GRIK2: variants seen among roughly 807,000 people sequenced by gnomAD.
GRIK2 encodes the protein glutamate receptor ionotropic, kainate 2.
In GRIK2, 32 loss-of-function variants were observed where a neutral mutation model predicts 100.3. The ratio of observed to expected loss-of-function variants is 0.32; its 90% confidence interval spans 0.24 to 0.43. The LOEUF (loss-of-function observed/expected upper bound fraction) is 0.43, where lower values mean the gene tolerates loss of function less well. Among genes scored for constraint, GRIK2 ranks in the 20% least tolerant of loss-of-function variants. GRIK2 has a pLI of 1.00. For missense variants in GRIK2, 843 were observed against 1,114.9 expected (o/e 0.76, Z 3.47); for synonymous variants, 417 against 389.4 (o/e 1.07, Z -0.83).
At chr6:101,684,619 A>G (rs1333675277) in intron 6 of GRIK2, among the ~76,000 whole-genome samples, 1 of 152,152 alleles carries the variant, frequency 6.6e-6, no homozygotes, top group African/African-American at 2.4e-5. Context: ...ATAACAAAAG[A>G]GAGGTTGACA....
chr6:101,600,465 G>T (rs1779157101), intron 2 of GRIK2, among the ~76,000 whole-genome samples: 1 of 151,850 alleles, frequency 6.6e-6, no homozygotes, highest in African/African-American at 2.4e-5. Flanking sequence ...GAAAGGAATA[G>T]CACTGAATCT....
At chr6:101,930,089 C>T (rs1467753722) in intron 14 of GRIK2, among the ~76,000 whole-genome samples, 1 of 152,088 alleles carries the variant, frequency 6.6e-6, no homozygotes, top group Non-Finnish European at 1.5e-5. Context: ...TGCCTGTAAT[C>T]TCAGCACTCT....
intron 15 of GRIK2, among the ~76,000 whole-genome samples, chr6:102,053,539 G>A (rs7454107): frequency 6.6e-6 from 1 of 152,272 alleles, no homozygotes; most frequent in South Asian, 2.1e-4. Context: ...AAAAATGATT[G>A]AGAATTCAGA....
intron 2 of GRIK2, among the ~76,000 whole-genome samples, chr6:101,605,872 T>G (rs1313081388): frequency 6.6e-6 from 1 of 152,040 alleles, no homozygotes; most frequent in African/African-American, 2.4e-5. Context: ...ATTAACATAA[T>G]AATATCACAG....
chr6:101,862,012 G>A (rs185625583), intron 11 of GRIK2, among the ~76,000 whole-genome samples: 2 of 152,192 alleles, frequency 1.3e-5, no homozygotes, highest in Admixed American at 1.3e-4. Flanking sequence ...TTTTATGGAG[G>A]GGCAATAAAT....
At chr6:101,800,145 T>A (rs1041626543) in intron 8 of GRIK2, among the ~76,000 whole-genome samples, 3 of 152,070 alleles carry the variant, frequency 2.0e-5, no homozygotes, top group Non-Finnish European at 4.4e-5. Flanking sequence ...AAATTATACC[T>A]AATTTGTGAG....
intron 2 of GRIK2, among the ~76,000 whole-genome samples, chr6:101,462,880 G>C (rs1386834130): frequency 1.3e-5 from 2 of 152,272 alleles, no homozygotes; most frequent in East Asian, 3.9e-4. Flanking sequence ...GATGACTGCT[G>C]AGTAGGTCTG....
rs145105212 is a variant in GRIK2 at position 101,616,416 on chromosome 6, T to G, written c.116-5533T>G. On this transcript the variant is annotated intron_variant, in intron 2 of 16. Coordinates refer to ENST00000369134, the MANE Select transcript of GRIK2 (RefSeq NM_021956.5). ...ATCATCTAAAATGAACCAAGGTTAA[T>G]ATATTGTTATGCATAAGGGCATATT... Among the ~76,000 whole-genome samples the G allele has an allele frequency of 4.5e-3, 679 of 151,942 alleles. 4 individuals carry two copies. The highest frequency in any genetic ancestry group is 0.016 in the African/African-American group (650 of 41,524).
chr6:101,594,832 G>A lies in GRIK2; in HGVS notation c.116-27117G>A, dbSNP rs555825096. On this transcript the variant is annotated intron_variant, in intron 2 of 16. Coordinates refer to ENST00000369134, the MANE Select transcript of GRIK2 (RefSeq NM_021956.5). ...AAGCATGGATGAAGGCAGATAGGGCGGTGAATTACAGGGAATCAGAATTGG... is the reference window on the plus strand; with the variant it reads ...AAGCATGGATGAAGGCAGATAGGGCAGTGAATTACAGGGAATCAGAATTGG... Among the ~76,000 whole-genome samples the A allele has an allele frequency of 3.3e-5, 5 of 151,620 alleles. No individual in the cohort carries two copies. In the East Asian group the frequency reaches 5.8e-4, roughly 18 times the overall value.
Position 101,889,640 on chromosome 6 carries a change from A to G in GRIK2, c.1525A>G (p.Lys509Glu). 6.7e-7 allele frequency: 1 copy of G among 1,488,702 alleles called. No homozygotes were observed. The highest frequency in any genetic ancestry group is 9.2e-7 in the Non-Finnish European group (1 of 1,087,746). The allele number at this position is 1,488,702 out of a possible 1,614,324, so 92.2% of individuals were successfully genotyped here. Residue 509 changes from lysine (K) to glutamate (E), a missense_variant and splice_region_variant, in exon 12 of 17, where the codon AAA becomes GAA. Transcript: ENST00000369134. ...TTTTTTTGTTTGTTTCTGTCTACAG[A>G]AAGCTGACCTTGCAGTTGCTCCACT... ...NGMVRELIDH[K>E]ADLAVAPLAI...
chr6:101,479,886 T>G (rs1772439273), intron 2 of GRIK2, among the ~76,000 whole-genome samples: 1 of 152,228 alleles, frequency 6.6e-6, no homozygotes, highest in Non-Finnish European at 1.5e-5. Flanking sequence ...TTTTAAGGTT[T>G]TTTATTTGAA....
intron 11 of GRIK2, among the ~76,000 whole-genome samples, chr6:101,877,909 A>G (rs1040969580): frequency 4.6e-5 from 7 of 151,474 alleles, no homozygotes; most frequent in African/African-American, 1.7e-4. Context: ...CCAAGTTTTC[A>G]AATCTCCCTC....
At chr6:102,047,793 C>T (rs1269225933) in intron 15 of GRIK2, among the ~76,000 whole-genome samples, 1 of 151,722 alleles carries the variant, frequency 6.6e-6, no homozygotes, top group Non-Finnish European at 1.5e-5. Context: ...CCAAAGCTAT[C>T]TACAGTTTTA....
intron 2 of GRIK2, among the ~76,000 whole-genome samples, chr6:101,515,720 A>G (rs1582622602): frequency 6.6e-6 from 1 of 152,204 alleles, no homozygotes; most frequent in South Asian, 2.1e-4. Flanking sequence ...TCTTCTTTTG[A>G]GAATTGTCTA....
intron 2 of GRIK2, among the ~76,000 whole-genome samples, chr6:101,619,995 CT>C (rs1201344390): frequency 6.6e-6 from 1 of 152,078 alleles, no homozygotes; most frequent in East Asian, 1.9e-4. Context: ...TTGTTGAGTG[CT>C]TACTCTGTGA....
chr6:101,687,227 T>C (rs1269560232), intron 7 of GRIK2, among the ~76,000 whole-genome samples: 1 of 152,024 alleles, frequency 6.6e-6, no homozygotes, highest in Admixed American at 6.6e-5. Flanking sequence ...ATGTGGCTAG[T>C]GTCTACCTTG....
chr6:101,674,197 A>T (rs1770653705), intron 4 of GRIK2, among the ~76,000 whole-genome samples: 2 of 152,192 alleles, frequency 1.3e-5, no homozygotes, highest in Admixed American at 6.5e-5. Flanking sequence ...AGGTGAAACC[A>T]GGCCTATATT....
At chr6:101,882,938 C>T (rs1162782161) in intron 11 of GRIK2, among the ~76,000 whole-genome samples, 1 of 151,918 alleles carries the variant, frequency 6.6e-6, no homozygotes, top group African/African-American at 2.4e-5. Context: ...ATTTATGAAA[C>T]ATTTTAGCAG....
At chr6:101,812,457 T>G (rs2128419213) in intron 9 of GRIK2, among the ~76,000 whole-genome samples, 1 of 152,084 alleles carries the variant, frequency 6.6e-6, no homozygotes, top group South Asian at 2.1e-4. Flanking sequence ...GTGGCATTTC[T>G]GAGATGAGGA....
Sources: gnomAD v4.1 joint callset for allele counts (sites outside exome capture counted in the v4.1 genomes callset) on GRCh38, gnomAD v4.1.1 for gene constraint, MANE v1.5 for transcripts, NCBI Gene and HGNC (gene_info 2026-07-23, HGNC 2026-07-21) for gene names.